SPTA1: variants seen among roughly 807,000 people sequenced by gnomAD.
SPTA1 encodes the protein spectrin alpha chain, erythrocytic 1.
Under a neutral mutation model 324.7 loss-of-function variants are expected in SPTA1, and 177 were observed. The observed-to-expected ratio is 0.55, with a 90% CI of 0.48 to 0.62. The LOEUF (loss-of-function observed/expected upper bound fraction) is 0.62. Among genes scored for constraint, SPTA1 ranks in the 20% least tolerant of loss-of-function variants. The probability of loss-of-function intolerance (pLI) is 0.00; values close to 1 mark genes in which losing one functional copy is unlikely to be tolerated. For missense variants in SPTA1, 3,162 were observed against 2,883.6 expected, an observed-to-expected ratio of 1.10 and a Z score of -2.21; for synonymous variants, 1,195 against 1,041.3, an observed-to-expected ratio of 1.15 and a Z score of -2.84.
At position 158,671,452 on chromosome 1, in the gene SPTA1, G is replaced by C. The variant is rs199604294; in HGVS notation, c.1490C>G (p.Ala497Gly). 3.7e-6 allele frequency: 6 copies of C among 1,611,836 alleles called. No individual in the cohort carries two copies. Among genetic ancestry groups the C allele is most frequent in the Non-Finnish European group, 4.2e-6 (5 of 1,179,216 alleles). Residue 497 changes from alanine (A) to glycine (G), a missense_variant and splice_region_variant, in exon 12 of 52, where the codon GCC (alanine) becomes GGC (glycine). Coordinates refer to ENST00000643759, the MANE Select transcript of SPTA1 (RefSeq NM_003126.4). ...TCCCAGATCCTCGTTTTCCAGGAAG[G>C]CCTGTAGAAGACAGAAAGACACACC... ...QVDSWMSRQEAFLENEDLGNS... is the reference protein window; with the variant it reads ...QVDSWMSRQEGFLENEDLGNS...
In SPTA1 at chr1:158,648,567, T is replaced by C; in HGVS notation, c.3656A>G (p.Gln1219Arg). ...ADPGSDLFSV[Q>R]ALQRRHEGFE... ...GCCCTCATGCCGTCGCTGAAGAGCC[T>C]GAACACTGAACAGATCTGAGCCAGG... Residue 1219 changes from glutamine (Q) to arginine (R), a missense_variant, in exon 26 of 52, where the codon CAG (glutamine) becomes CGG (arginine). Coordinates refer to ENST00000643759, the MANE Select transcript of SPTA1 (RefSeq NM_003126.4). 1 of 1,614,078 alleles carries C rather than the reference T, an allele frequency of 6.2e-7. No homozygotes were observed. Among genetic ancestry groups the C allele is most frequent in the Non-Finnish European group, 8.5e-7 (1 of 1,179,970 alleles).
intron 18 of SPTA1, among the ~76,000 whole-genome samples, chr1:158,659,088 T>A (rs1222418731): frequency 6.6e-6 from 1 of 151,976 alleles, no homozygotes; most frequent in East Asian, 1.9e-4. Context: ...ACTATGAGGG[T>A]GAATTTTTTT....
chr1:158,630,603 T>A (rs923885127), intron 39 of SPTA1, among the ~76,000 whole-genome samples: 1 of 151,724 alleles, frequency 6.6e-6, no homozygotes, highest in Non-Finnish European at 1.5e-5. Flanking sequence ...AATATGACAC[T>A]AAAAGCACAG....
chr1:158,620,551 G>A, intron 43 of SPTA1, 85 bp from the exon 44 acceptor site: 1 of 1,535,746 alleles, frequency 6.5e-7, no homozygotes, highest in African/African-American at 1.4e-5. Flanking sequence ...AATAATGCCT[G>A]TCTTTAAATA....
At chr1:158,674,713 C>T (rs1160300531) in intron 8 of SPTA1, 38 bp from the exon 9 acceptor site, 1 of 1,610,738 alleles carries the variant, frequency 6.2e-7, no homozygotes, top group South Asian at 1.1e-5. Flanking sequence ...GAAGGAGAAA[C>T]CAGATATGAA....
At chr1:158,671,655 G>A (rs1439085828) in intron 11 of SPTA1, among the ~76,000 whole-genome samples, 1 of 152,078 alleles carries the variant, frequency 6.6e-6, no homozygotes, top group Non-Finnish European at 1.5e-5. Context: ...TCTCACTTAT[G>A]TTTCTGGGTC....
intron 39 of SPTA1, among the ~76,000 whole-genome samples, chr1:158,628,507 G>A (rs1172861475): frequency 3.3e-5 from 5 of 152,188 alleles, no homozygotes; most frequent in Admixed American, 6.5e-5. Context: ...ATGGTGTTGA[G>A]GCACTAAAAT....
chr1:158,676,060 C>A (rs748002114), intron 8 of SPTA1, 81 bp downstream of exon 8: 22 of 1,592,724 alleles, frequency 1.4e-5, no homozygotes, highest in Non-Finnish European at 1.9e-5. Context: ...ATTTGACTCC[C>A]TTTACTCTTA....
At chr1:158,617,132 ACGT>A (rs555234282) in intron 47 of SPTA1, among the ~76,000 whole-genome samples, 159 of 152,306 alleles carry the variant, frequency 1.0e-3, no homozygotes, top group Non-Finnish European at 8.8e-4. Context: ...TCATCTTACT[ACGT>A]CATATAATAA....
chr1:158,636,017 T>C lies in SPTA1; in HGVS notation c.5328A>G (p.Ala1776=). 1 of 1,614,166 alleles carries C rather than the reference T, an allele frequency of 6.2e-7. No individual in the cohort carries two copies. The highest frequency in any genetic ancestry group is 8.5e-7 in the Non-Finnish European group (1 of 1,180,024). The change falls in exon 38 of 52, where the codon GCA becomes GCG. Residue 1776 remains alanine (A), a synonymous_variant. Transcript: ENST00000643759. The part of the protein sequence containing the change: ...EPAIQNVLDM[A]EKLKDKAAVG... ...CAGCAGCCTTGTCTTTCAGCTTCTCTGCCATATCCAGCACATTCTGAAGAA... is the reference window on the plus strand; with the variant it reads ...CAGCAGCCTTGTCTTTCAGCTTCTCCGCCATATCCAGCACATTCTGAAGAA...
chr1:158,666,219 G>A (rs1171004688), intron 16 of SPTA1, 97 bp downstream of exon 16: 1 of 1,195,368 alleles, frequency 8.4e-7, no homozygotes, highest in East Asian at 2.6e-5. Flanking sequence ...TACTTATTAA[G>A]TAATTAATAA....
At chr1:158,636,121 C>T (rs1470500803) in intron 37 of SPTA1, 87 bp from the exon 38 acceptor site, 29 of 1,608,712 alleles carry the variant, frequency 1.8e-5, no homozygotes, top group Non-Finnish European at 2.5e-5. Flanking sequence ...CTAGCCCATC[C>T]TACCCTCCAG....
In SPTA1 at chr1:158,621,043, C is replaced by A. The variant is rs6659063; in HGVS notation, c.6121-577G>T. Among the ~76,000 whole-genome samples the A allele has an allele frequency of 5.5e-3, 840 of 152,160 alleles. 5 individuals carry two copies. The highest frequency in any genetic ancestry group is 0.019 in the African/African-American group (799 of 41,536). On this transcript the variant is annotated intron_variant, in intron 43 of 51. Transcript: ENST00000643759. Reference sequence around the variant, plus strand: ...TTCAGGCCTCATTTTATGCCTGAAGCTTTTCAAACCACTGCTTAAACTTAT... The same window carrying A: ...TTCAGGCCTCATTTTATGCCTGAAGATTTTCAAACCACTGCTTAAACTTAT...
Position 158,666,376 on chromosome 1 carries a change from G to C in SPTA1, c.2160C>G (p.Ala720=). 1.2e-6 allele frequency: 2 copies of C among 1,613,818 alleles called. No individual in the cohort carries two copies. The highest frequency in any genetic ancestry group is 2.2e-5 in the South Asian group (2 of 91,068). The stretch of plus-strand genomic sequence containing the variant: ...GTTTCCTGAGTCGATTCTGTACCTC[G>C]GCCAGGCCTTTCCCATAATCCTCAG... ...VTSEDYGKGL[A]EVQNRLRKHG... The change falls in exon 16 of 52, where the codon GCC becomes GCG. Residue 720 remains alanine, a synonymous_variant. Coordinates refer to ENST00000643759, the MANE Select transcript of SPTA1 (RefSeq NM_003126.4).
At position 158,638,078 on chromosome 1, in the gene SPTA1, A is replaced by G; in HGVS notation, c.5144T>C (p.Leu1715Ser). 6.2e-7 allele frequency: 1 copy of G among 1,613,984 alleles called. No individual in the cohort carries two copies. Among genetic ancestry groups the G allele is most frequent in the Non-Finnish European group, 8.5e-7 (1 of 1,179,906 alleles). The change falls in exon 36 of 52, where the codon TTG becomes TCG. Residue 1715 changes from leucine (L) to serine (S), a missense_variant. By Grantham distance (145) the Leu-to-Ser change is moderately radical. Coordinates refer to ENST00000643759, the MANE Select transcript of SPTA1 (RefSeq NM_003126.4). ...ATCTAGATCCTGGAAGAACTGGAAC[A>G]AGGCATAGGCCTCTTTCAATTTTTC... ...HHEKLKEAYA[L>S]FQFFQDLDDE...
intron 32 of SPTA1, 104 bp downstream of exon 32, chr1:158,642,710 G>A (rs1239532775): frequency 1.3e-6 from 2 of 1,590,556 alleles, no homozygotes; most frequent in African/African-American, 2.7e-5. Flanking sequence ...GAGCAGGCAT[G>A]GTAGCCTCAA....
At chr1:158,669,280 G>A (rs1653829100) in intron 14 of SPTA1, 128 bp downstream of exon 14, 1 of 1,283,774 alleles carries the variant, frequency 7.8e-7, no homozygotes, top group Non-Finnish European at 1.1e-6. Flanking sequence ...CCTTTTCTGA[G>A]CCTCTGTTTT....
At position 158,615,117 on chromosome 1, in the gene SPTA1, A is replaced by G. The variant is rs572070636; in HGVS notation, c.6788+99T>C. On this transcript the variant is annotated intron_variant, in intron 48 of 51. Transcript: ENST00000643759. Reference sequence around the variant, plus strand: ...CCCAGAATATTGGTTCTCTGAAGCAACTCTTTTATCTGGTGCACCAAACTC... The same window carrying G: ...CCCAGAATATTGGTTCTCTGAAGCAGCTCTTTTATCTGGTGCACCAAACTC... The G allele has an allele frequency of 3.6e-6, 5 of 1,372,332 alleles. No individual in the cohort carries two copies. The Admixed American group carries it at 6.9e-5, about 19-fold the overall frequency. The allele number at this position is 1,372,332 out of a possible 1,614,324, so 85.0% of individuals were successfully genotyped here. A position where few individuals can be genotyped will look rare whatever the true frequency, so the allele number is the denominator to read the frequency against.
intron 24 of SPTA1, among the ~76,000 whole-genome samples, chr1:158,650,570 C>A (rs1255251577): frequency 6.6e-6 from 1 of 152,192 alleles, no homozygotes; most frequent in Non-Finnish European, 1.5e-5. Context: ...TATTCTCCTT[C>A]TTCAGCACGT....
Sources: gnomAD v4.1 joint callset for allele counts (sites outside exome capture counted in the v4.1 genomes callset) on GRCh38, gnomAD v4.1.1 for gene constraint, MANE v1.5 for transcripts, NCBI Gene and HGNC (gene_info 2026-07-23, HGNC 2026-07-21) for gene names.